The following DPY19L1 variants were observed in gnomAD, a reference collection of about 807,000 sequenced individuals.
DPY19L1 encodes the protein dpy-19 like C-mannosyltransferase 1, also known as protein C-mannosyl-transferase DPY19L1.
In DPY19L1, 35 loss-of-function variants were observed where a neutral mutation model predicts 96.9. That is an observed-to-expected ratio of 0.36 (90% CI 0.28 to 0.48). The LOEUF (loss-of-function observed/expected upper bound fraction) is 0.48, where lower values mean the gene tolerates loss of function less well. DPY19L1 is among the 20% of genes least tolerant of loss of function. DPY19L1 has a pLI of 0.99. For synonymous variants in DPY19L1, 205 were observed against 252.6 expected, an observed-to-expected ratio of 0.81 and a Z score of 1.79; for missense variants, 521 against 777.9, an observed-to-expected ratio of 0.67 and a Z score of 3.93.
chr7:34,959,424 T>C (rs372440268), intron 10 of DPY19L1, among the ~76,000 whole-genome samples: 27 of 152,204 alleles, frequency 1.8e-4, no homozygotes, highest in African/African-American at 3.6e-4. Context: ...CATATGTTTA[T>C]TGCAGCACTG....
At chr7:34,947,211 C>T (rs1376585196) in intron 15 of DPY19L1, among the ~76,000 whole-genome samples, 2 of 152,314 alleles carry the variant, frequency 1.3e-5, no homozygotes, top group East Asian at 1.9e-4. Flanking sequence ...ATTGCAAATA[C>T]TCTGTTTTTT....
In DPY19L1 at chr7:34,954,734, T is replaced by C. The variant is rs1339873407; in HGVS notation, c.1284A>G (p.Lys428=). 1.4e-5 allele frequency: 22 copies of C among 1,568,712 alleles called. No homozygotes were observed. The highest frequency in any genetic ancestry group is 1.8e-5 in the Non-Finnish European group (21 of 1,151,804). Residue 428 remains lysine (K), a synonymous_variant, in exon 13 of 22, where the codon AAA becomes AAG. Coordinates refer to ENST00000638088, the MANE Select transcript of DPY19L1 (RefSeq NM_001366673.1). ...CFWLFGTVIL[K]YLTSKIFGIA... Reference sequence around the variant, plus strand: ...TACCAAAAATTTTAGATGTCAAGTATTTAAGTATGACAGTTCCAAATAACC... The same window carrying C: ...TACCAAAAATTTTAGATGTCAAGTACTTAAGTATGACAGTTCCAAATAACC...
At chr7:35,017,858 A>T in intron 3 of DPY19L1, 24 bp downstream of exon 3, 1 of 1,521,226 alleles carries the variant, frequency 6.6e-7, no homozygotes, top group Non-Finnish European at 9.0e-7. Context: ...AAGTACTATG[A>T]TGAAATCCCA....
At chr7:34,988,810 G>C (rs1030730925) in intron 7 of DPY19L1, among the ~76,000 whole-genome samples, 3 of 151,952 alleles carry the variant, frequency 2.0e-5, no homozygotes, top group African/African-American at 7.3e-5. Flanking sequence ...GATTAATCTA[G>C]AAACGTTGAC....
At position 34,965,010 on chromosome 7, in the gene DPY19L1, G is replaced by C. The variant is rs1005494102; in HGVS notation, c.1092+1884C>G. ...CGAACCAGATTGATAAAATAAAAAA[G>C]GATGTAGAATAACATAAGCTGCTAT... On this transcript the variant is annotated intron_variant, in intron 10 of 21. Transcript: ENST00000638088. 5.9e-5 allele frequency among the ~76,000 whole-genome samples: 9 copies of C among 152,090 alleles called. No homozygotes were observed. In the South Asian group the frequency reaches 8.3e-4, roughly 14 times the overall value.
At chr7:35,022,813 A>T (rs1484561177) in intron 1 of DPY19L1, among the ~76,000 whole-genome samples, 1 of 152,150 alleles carries the variant, frequency 6.6e-6, no homozygotes, top group Non-Finnish European at 1.5e-5. Flanking sequence ...TCACCAATGG[A>T]GCCCCCATTT....
intron 20 of DPY19L1, 66 bp downstream of exon 20, chr7:34,939,210 G>C: frequency 7.3e-7 from 1 of 1,365,568 alleles, no homozygotes; most frequent in South Asian, 1.3e-5. Context: ...TACTTTGCTG[G>C]TGTCCTCCAC....
At chr7:35,023,383 G>A (rs1230845886) in intron 1 of DPY19L1, among the ~76,000 whole-genome samples, 4 of 152,160 alleles carry the variant, frequency 2.6e-5, no homozygotes, top group Middle Eastern at 3.2e-3. Flanking sequence ...GTGCGAGGGC[G>A]CCATGAGGCC....
At chr7:34,945,025 C>T (rs562003974) in intron 16 of DPY19L1, among the ~76,000 whole-genome samples, 12 of 152,174 alleles carry the variant, frequency 7.9e-5, no homozygotes, top group African/African-American at 2.9e-4. Flanking sequence ...CATTCAACTA[C>T]TATCCTTTAC....
Position 35,029,825 on chromosome 7 carries a change from G to A in DPY19L1, c.298+7272C>T, listed in dbSNP as rs1786217940. 2.0e-5 allele frequency among the ~76,000 whole-genome samples: 3 copies of A among 152,174 alleles called. No homozygotes were observed. In the South Asian group the frequency reaches 6.2e-4, roughly 32 times the overall value. The stretch of plus-strand genomic sequence containing the variant: ...CATGAGGTCAACTTCCCACTAATGT[G>A]CCTTTGACAGATGCCTTAGACTTTA... On this transcript the variant is annotated intron_variant, in intron 1 of 21. Transcript: ENST00000638088.
At chr7:34,970,007 G>A (rs1784691449) in intron 8 of DPY19L1, among the ~76,000 whole-genome samples, 1 of 152,196 alleles carries the variant, frequency 6.6e-6, no homozygotes, top group Non-Finnish European at 1.5e-5. Flanking sequence ...GCACAGGTAG[G>A]AGAACACAGA....
chr7:35,015,878 T>C (rs1785834636), intron 3 of DPY19L1, among the ~76,000 whole-genome samples: 1 of 152,238 alleles, frequency 6.6e-6, no homozygotes, highest in South Asian at 2.1e-4. Flanking sequence ...AGAAGCGAAC[T>C]GCAAGAAAAT....
intron 14 of DPY19L1, among the ~76,000 whole-genome samples, chr7:34,948,126 ATGTT>A (rs770844129): frequency 2.0e-5 from 3 of 152,072 alleles, no homozygotes; most frequent in African/African-American, 4.8e-5. Context: ...ATAATGATCT[ATGTT>A]TGAGGGGAAC....
intron 6 of DPY19L1, among the ~76,000 whole-genome samples, chr7:34,991,407 AG>A (rs1785165303): frequency 6.6e-6 from 1 of 152,212 alleles, no homozygotes; most frequent in Admixed American, 6.5e-5. Flanking sequence ...AAGTGTCTGA[AG>A]TGATGGATCA....
chr7:34,943,427 G>T (rs1230341899), intron 16 of DPY19L1, among the ~76,000 whole-genome samples: 1 of 152,178 alleles, frequency 6.6e-6, no homozygotes, highest in Non-Finnish European at 1.5e-5. Flanking sequence ...GAATCACAGA[G>T]CTAGTAAGTG....
intron 1 of DPY19L1, among the ~76,000 whole-genome samples, chr7:35,033,802 G>C (rs897861414): frequency 2.0e-5 from 3 of 152,056 alleles, no homozygotes; most frequent in Non-Finnish European, 2.9e-5. Flanking sequence ...GTAAGCTGTA[G>C]AGAATAAAAG....
chr7:35,009,076 A>T (rs1785638238), intron 6 of DPY19L1, among the ~76,000 whole-genome samples: 2 of 152,266 alleles, frequency 1.3e-5, no homozygotes, highest in African/African-American at 4.8e-5. Flanking sequence ...CCTAAGTCAG[A>T]AATAGTAACA....
At chr7:34,937,875 T>A in intron 21 of DPY19L1, 119 bp downstream of exon 21, 1 of 1,078,764 alleles carries the variant, frequency 9.3e-7, no homozygotes, top group South Asian at 1.9e-5. Flanking sequence ...AAAGAAGAAG[T>A]TTTTCCATGT....
At chr7:34,966,099 G>A (rs1784602528) in intron 10 of DPY19L1, among the ~76,000 whole-genome samples, 1 of 151,538 alleles carries the variant, frequency 6.6e-6, no homozygotes, top group African/African-American at 2.4e-5. Context: ...GGGCTCAAAT[G>A]TCCTCTTGCC....
Sources: allele counts gnomAD v4.1 joint callset (sites outside exome capture counted in the v4.1 genomes callset), GRCh38; gene constraint gnomAD v4.1.1; transcripts MANE v1.5; gene names NCBI Gene and HGNC (gene_info 2026-07-23, HGNC 2026-07-21).